Variants in HDLBP observed in about 807,000 individuals in gnomAD.
HDLBP encodes high density lipoprotein binding protein, also known as vigilin.
In HDLBP, 30 loss-of-function variants were observed where a neutral mutation model predicts 137.3. That is an observed-to-expected ratio of 0.22 (90% CI 0.16 to 0.30). The LOEUF is 0.30. HDLBP is among the 10% of genes least tolerant of loss of function. The pLI is 1.00. For missense variants in HDLBP, 1,119 were observed against 1,667.3 expected (o/e 0.67, Z 5.73); for synonymous variants, 606 against 596.0 (o/e 1.02, Z -0.24).
chr2:241,236,796 C>T (rs1445209217), intron 20 of HDLBP, 27 bp from the exon 21 acceptor site: 1 of 1,610,050 alleles, frequency 6.2e-7, no homozygotes, highest in Non-Finnish European at 8.5e-7. Context: ...AAAGGGACAG[C>T]TGACAGCTGC....
In HDLBP at chr2:241,261,042, A is replaced by AC. The variant is rs142413662; in HGVS notation, c.450+1668_450+1669insG. 9.3e-3 allele frequency among the ~76,000 whole-genome samples: 1,402 copies of AC among 151,072 alleles called. 8 individuals are homozygous for AC. The highest frequency in any genetic ancestry group is 0.021 in the African/African-American group (853 of 41,130). ...CCCGCATCTGCCAAAAAACAAACAA[A>AC]AAAAAAGCCGGGCCTGATGGTGCAT... On this transcript the variant is annotated intron_variant, in intron 5 of 27. Transcript: ENST00000310931.
intron 1 of HDLBP, among the ~76,000 whole-genome samples, chr2:241,297,717 T>A (rs553187756): frequency 6.6e-6 from 1 of 151,614 alleles, no homozygotes; most frequent in Admixed American, 6.6e-5. Context: ...GCCCAGAATA[T>A]CCTGTGGTAC....
At chr2:241,231,061 T>C in intron 24 of HDLBP, 117 bp from the exon 25 acceptor site, 1 of 848,694 alleles carries the variant, frequency 1.2e-6, no homozygotes, top group Non-Finnish European at 1.9e-6. Flanking sequence ...GAAAGCAACG[T>C]CACGGCTGAT....
rs1217383627 is a variant in HDLBP, at chr2:241,261,812, C to T, written c.450+899G>A. On this transcript the variant is annotated intron_variant, in intron 5 of 27. Coordinates refer to ENST00000310931, the MANE Select transcript of HDLBP (RefSeq NM_005336.6). ...CCTGCATTAGGTGGCACTCCTCTGC[C>T]TCGCCTCCTGGCTACACCCTGCACT... Among the ~76,000 whole-genome samples the T allele has an allele frequency of 2.0e-5, 3 of 152,214 alleles. No individual in the cohort carries two copies. In the East Asian group the frequency reaches 5.8e-4, roughly 29 times the overall value.
intron 17 of HDLBP, among the ~76,000 whole-genome samples, chr2:241,242,203 A>T (rs1337566887): frequency 1.3e-5 from 2 of 152,258 alleles, no homozygotes; most frequent in Non-Finnish European, 2.9e-5. Context: ...TTTACTGTAA[A>T]TCATATTTAA....
intron 1 of HDLBP, chr2:241,273,610 T>G (rs2074275732): frequency 4.1e-6 from 4 of 985,226 alleles, no homozygotes; most frequent in African/African-American, 3.5e-5. Context: ...GAGCAATCTG[T>G]AGAGATGTCA....
intron 5 of HDLBP, among the ~76,000 whole-genome samples, chr2:241,262,228 C>T (rs1405743425): frequency 6.6e-6 from 1 of 152,200 alleles, no homozygotes; most frequent in African/African-American, 2.4e-5. Context: ...ATGGGAACCA[C>T]CCATCTTTAC....
chr2:241,307,962 T>A (rs1237095972), intron 1 of HDLBP, among the ~76,000 whole-genome samples: 3 of 152,008 alleles, frequency 2.0e-5, no homozygotes, highest in Non-Finnish European at 2.9e-5. Context: ...TAAATTGAAT[T>A]GGAAATGGAA....
At chr2:241,284,408 G>A (rs1263371480) in intron 1 of HDLBP, among the ~76,000 whole-genome samples, 1 of 152,212 alleles carries the variant, frequency 6.6e-6, no homozygotes, top group Non-Finnish European at 1.5e-5. Flanking sequence ...AGATGGGACT[G>A]AATTGCTGCA....
chr2:241,290,462 T>C (rs764919259), intron 1 of HDLBP, among the ~76,000 whole-genome samples: 8 of 152,016 alleles, frequency 5.3e-5, no homozygotes, highest in Middle Eastern at 3.4e-3. Context: ...AATACAAAAT[T>C]AGCCGGGCGT....
At position 241,272,692 on chromosome 2, in the gene HDLBP, C is replaced by G. The variant is rs1352258492; in HGVS notation, c.-102-4151G>C. 6.9e-3 allele frequency: 5,245 copies of G among 756,368 alleles called. 25 individuals carry two copies. Among genetic ancestry groups the G allele is most frequent in the Non-Finnish European group, 7.9e-3 (4,951 of 625,438 alleles). The allele number at this position is 756,368 out of a possible 1,614,324, so 46.9% of individuals were successfully genotyped here. On this transcript the variant is annotated intron_variant, in intron 1 of 27. Transcript: ENST00000310931. This position sits in a 1 kb window ranked among gnomAD's most constrained non-coding sequence, Gnocchi z 5.6. Reference sequence around the variant, plus strand: ...ACGTCAGCAGCCACCCCCCACCCCCCCGCCCGGCAGCCCGCCCGCCCCGTC... The same window carrying G: ...ACGTCAGCAGCCACCCCCCACCCCCGCGCCCGGCAGCCCGCCCGCCCCGTC...
At chr2:241,267,510 T>A in intron 2 of HDLBP, 1 of 1,447,754 alleles carries the variant, frequency 6.9e-7, no homozygotes, top group South Asian at 1.2e-5. Flanking sequence ...GCTCCAGGCA[T>A]AGATCAACAC....
In HDLBP at chr2:241,238,895, T is replaced by A. The variant is rs1387425346; in HGVS notation, c.2611-108A>T. ...CTTCCTCCCTGTCCTCTACAGCCAC[T>A]TGGCACAGATGCTCCCCTTCTCCCG... On this transcript the variant is annotated intron_variant, in intron 19 of 27. Coordinates refer to ENST00000310931, the MANE Select transcript of HDLBP (RefSeq NM_005336.6). The surrounding 1 kb of genome is among the most constrained non-coding windows in gnomAD (Gnocchi z 4.9). 3 of 831,572 alleles carry A rather than the reference T, an allele frequency of 3.6e-6. No homozygotes were observed. The African/African-American group carries it at 5.2e-5, about 14-fold the overall frequency. The allele number at this position is 831,572 out of a possible 1,614,324, so 51.5% of individuals were successfully genotyped here.
rs377019641 is a variant in HDLBP, at chr2:241,258,301, C to T, written c.451-1495G>A. Among the ~76,000 whole-genome samples, 66 of 140,072 alleles carry T rather than the reference C, an allele frequency of 4.7e-4. 1 individual carries two copies. Among genetic ancestry groups the T allele is most frequent in the East Asian group, 4.7e-3 (22 of 4,672 alleles). 91.9% of individuals were successfully genotyped at this position (140,072 alleles called of 152,430 possible). A position where few individuals can be genotyped will look rare whatever the true frequency, so the allele number is the denominator to read the frequency against. On this transcript the variant is annotated intron_variant, in intron 5 of 27. Transcript: ENST00000310931. ...GGCGGAGCTTGCAGTGAGCCGAGATCGCGCCACTGCACTCCAGCCTGGGCG... is the reference window on the plus strand; with the variant it reads ...GGCGGAGCTTGCAGTGAGCCGAGATTGCGCCACTGCACTCCAGCCTGGGCG...
chr2:241,241,310 G>C (rs993613396), intron 17 of HDLBP, among the ~76,000 whole-genome samples: 4 of 152,150 alleles, frequency 2.6e-5, no homozygotes, highest in South Asian at 2.1e-4. Context: ...GCTCACGCCT[G>C]TAATCCCAGC....
chr2:241,291,035 G>T (rs116023384), intron 1 of HDLBP, among the ~76,000 whole-genome samples: 67 of 152,340 alleles, frequency 4.4e-4, no homozygotes, highest in African/African-American at 1.6e-3. Flanking sequence ...AGACTTATCT[G>T]CAGGAGGGGA....
chr2:241,272,160 A>C lies in HDLBP; in HGVS notation c.-102-3619T>G. 2.0e-6 allele frequency: 2 copies of C among 984,902 alleles called. No individual in the cohort carries two copies. Among genetic ancestry groups the C allele is most frequent in the Non-Finnish European group, 2.4e-6 (2 of 829,540 alleles). 61.0% of individuals were successfully genotyped at this position (984,902 alleles called of 1,614,324 possible). On this transcript the variant is annotated intron_variant, in intron 1 of 27. Transcript: ENST00000310931. The surrounding 1 kb of genome is among the most constrained non-coding windows in gnomAD (Gnocchi z 5.6). Reference sequence around the variant, plus strand: ...AGAAGAGCAGCTTTCCCCACCCCCGAACACGTAGACTGACGCGGGCCCCGC... The same window carrying C: ...AGAAGAGCAGCTTTCCCCACCCCCGCACACGTAGACTGACGCGGGCCCCGC...
intron 1 of HDLBP, among the ~76,000 whole-genome samples, chr2:241,296,953 C>G (rs193192953): frequency 2.0e-5 from 3 of 152,206 alleles, no homozygotes; most frequent in African/African-American, 4.8e-5. Context: ...TGCGTCAGCA[C>G]GAAGGCAGTC....
intron 1 of HDLBP, among the ~76,000 whole-genome samples, chr2:241,300,979 ATTAT>A (rs1293748284): frequency 6.8e-6 from 1 of 146,414 alleles, no homozygotes; most frequent in African/African-American, 2.5e-5. Flanking sequence ...TATTATTATT[ATTAT>A]TATTATTATT....
Sources: allele counts gnomAD v4.1 joint callset (sites outside exome capture counted in the v4.1 genomes callset), GRCh38; gene constraint gnomAD v4.1.1; non-coding constraint Gnocchi (gnomAD v3.1); transcripts MANE v1.5; gene names NCBI Gene and HGNC (gene_info 2026-07-23, HGNC 2026-07-21).